TCF12: variants seen among roughly 807,000 people sequenced by gnomAD.
TCF12 encodes the protein DNA-binding protein HTF4.
TCF12 carries 45 observed loss-of-function variants against 86.0 expected under a neutral mutation model. That is an observed-to-expected ratio of 0.52 (90% CI 0.41 to 0.67). The LOEUF is 0.67. Ranked by LOEUF, TCF12 falls within the 30% of genes least tolerant of loss-of-function variation. The pLI is 0.00. For synonymous variants in TCF12, 330 were observed against 299.6 expected, an observed-to-expected ratio of 1.10 and a Z score of -1.05; for missense variants, 881 against 859.9, an observed-to-expected ratio of 1.02 and a Z score of -0.31.
chr15:57,126,036 G>A (rs1455993287), intron 5 of TCF12, among the ~76,000 whole-genome samples: 1 of 152,116 alleles, frequency 6.6e-6, no homozygotes, highest in East Asian at 1.9e-4. Context: ...TTCGAGACCA[G>A]CCTGGGCAAC....
intron 6 of TCF12, among the ~76,000 whole-genome samples, chr15:57,177,635 A>AGAGAGAGAGAGAGAGAGAGAGG (rs1567572959): frequency 1.3e-5 from 2 of 151,994 alleles, no homozygotes; most frequent in South Asian, 4.2e-4. Flanking sequence ...AGAGAGAGAG[A>AGAGAGAGAGAGAGAGAGAGAGG]GAGTTGGATT....
At chr15:57,129,789 AGATGAAGAAACT>A (rs2151336108) in intron 5 of TCF12, 1 of 152,340 alleles carries the variant, frequency 6.6e-6, no homozygotes, top group South Asian at 2.1e-4. Flanking sequence ...CCAGTTTCAC[AGATGAAGAAACT>A]GAGGCTTAGA....
chr15:57,180,000 A>G (rs2056224369), intron 6 of TCF12, among the ~76,000 whole-genome samples: 2 of 152,188 alleles, frequency 1.3e-5, no homozygotes, highest in Admixed American at 6.5e-5. Flanking sequence ...AGTTTGCATC[A>G]CTATCTAATG....
At chr15:57,229,299 A>G (rs866212338) in intron 8 of TCF12, among the ~76,000 whole-genome samples, 2 of 152,008 alleles carry the variant, frequency 1.3e-5, no homozygotes, top group Non-Finnish European at 2.9e-5. Flanking sequence ...TTTCAACACA[A>G]TCATTTGTGA....
At chr15:57,174,916 A>G (rs1296733127) in intron 6 of TCF12, among the ~76,000 whole-genome samples, 3 of 152,208 alleles carry the variant, frequency 2.0e-5, no homozygotes, top group African/African-American at 7.2e-5. Context: ...ATAGATTTCA[A>G]GGCCACCCTG....
chr15:57,210,514 C>T (rs1173527471), intron 8 of TCF12, among the ~76,000 whole-genome samples: 2 of 152,040 alleles, frequency 1.3e-5, no homozygotes, highest in East Asian at 3.9e-4. Flanking sequence ...TTTACATGGA[C>T]AGTGTGCCCC....
At chr15:56,932,496 A>G (rs1340283979) in intron 3 of TCF12, among the ~76,000 whole-genome samples, 1 of 152,162 alleles carries the variant, frequency 6.6e-6, no homozygotes, top group East Asian at 1.9e-4. Context: ...GACAAGAAGA[A>G]AAAAAGAAGT....
At chr15:57,088,224 G>C (rs116725284) in intron 4 of TCF12, among the ~76,000 whole-genome samples, 1,775 of 152,274 alleles carry the variant, frequency 0.012, 34 homozygotes, top group African/African-American at 0.04. Context: ...TCTCCAGCCT[G>C]TTGGAAGTTA....
intron 3 of TCF12, among the ~76,000 whole-genome samples, chr15:57,015,233 A>C (rs1431511325): frequency 6.6e-6 from 1 of 152,168 alleles, no homozygotes; most frequent in Non-Finnish European, 1.5e-5. Flanking sequence ...GGTTGCAGTG[A>C]GCCAAGATTG....
intron 3 of TCF12, among the ~76,000 whole-genome samples, chr15:57,001,748 T>G (rs2064050386): frequency 6.6e-6 from 1 of 152,192 alleles, no homozygotes. Flanking sequence ...CTATATATCA[T>G]CACATCAATA....
intron 3 of TCF12, among the ~76,000 whole-genome samples, chr15:56,955,758 T>C (rs1316543610): frequency 6.6e-6 from 1 of 152,172 alleles, no homozygotes; most frequent in Non-Finnish European, 1.5e-5. Context: ...TTTTAGTTTG[T>C]AGTGTTGTTC....
chr15:56,970,372 C>T (rs953074718), intron 3 of TCF12, among the ~76,000 whole-genome samples: 7 of 148,990 alleles, frequency 4.7e-5, no homozygotes, highest in Non-Finnish European at 7.4e-5. Context: ...CCCAGCTACT[C>T]GGGAGGTTGA....
At chr15:56,924,374 C>A (rs1444843298) in intron 3 of TCF12, among the ~76,000 whole-genome samples, 1 of 152,156 alleles carries the variant, frequency 6.6e-6, no homozygotes, top group Non-Finnish European at 1.5e-5. Flanking sequence ...TAAATGCCTT[C>A]TTTCTCTGTT....
chr15:56,937,998 T>C (rs572690743), intron 3 of TCF12, among the ~76,000 whole-genome samples: 1 of 151,628 alleles, frequency 6.6e-6, no homozygotes, highest in Admixed American at 6.6e-5. Flanking sequence ...ATCAGTGGTA[T>C]TGGTCTGTAG....
At chr15:56,919,815 C>A (rs1256300037) in intron 1 of TCF12, 77 bp from the exon 2 acceptor site, 1 of 1,336,400 alleles carries the variant, frequency 7.5e-7, no homozygotes, top group Admixed American at 1.9e-5. Flanking sequence ...GCGTAATCTT[C>A]CCCAGTACCT....
intron 12 of TCF12, among the ~76,000 whole-genome samples, chr15:57,239,169 C>T (rs768849353): frequency 2.2e-4 from 33 of 150,394 alleles, no homozygotes; most frequent in Non-Finnish European, 3.2e-4. Context: ...CTGACCAACA[C>T]GGAGAAACCC....
At chr15:57,002,936 T>C (rs1386749306) in intron 3 of TCF12, among the ~76,000 whole-genome samples, 1 of 152,242 alleles carries the variant, frequency 6.6e-6, no homozygotes, top group Non-Finnish European at 1.5e-5. Context: ...GAATTGAATT[T>C]ACTGGTAAGC....
chr15:57,028,901 G>A (rs1015486095), intron 3 of TCF12, among the ~76,000 whole-genome samples: 4 of 151,828 alleles, frequency 2.6e-5, no homozygotes, highest in East Asian at 1.9e-4. Context: ...CGGTTCAAGC[G>A]ATTCTCCTGC....
At chr15:56,957,718 C>T (rs1396048094) in intron 3 of TCF12, among the ~76,000 whole-genome samples, 3 of 151,936 alleles carry the variant, frequency 2.0e-5, no homozygotes, top group Admixed American at 2.0e-4. Flanking sequence ...ATACTTTTTT[C>T]TTTTTTATCT....
Sources: allele counts gnomAD v4.1 joint callset (sites outside exome capture counted in the v4.1 genomes callset), GRCh38; gene constraint gnomAD v4.1.1; transcripts MANE v1.5; gene names NCBI Gene and HGNC (gene_info 2026-07-23, HGNC 2026-07-21).